The following DLG1 variants were observed in gnomAD, a reference collection of about 807,000 sequenced individuals.
DLG1 encodes the protein disks large homolog 1.
In DLG1, 42 loss-of-function variants were observed where a neutral mutation model predicts 123.4. That is an observed-to-expected ratio of 0.34 (90% CI 0.27 to 0.44). DLG1 has a LOEUF of 0.44. Among genes scored for constraint, DLG1 ranks in the 20% least tolerant of loss-of-function variants. The probability of loss-of-function intolerance (pLI) is 1.00; values close to 1 mark genes in which losing one functional copy is unlikely to be tolerated. For missense variants in DLG1, 942 were observed against 1,082.6 expected (o/e 0.87, Z 1.82); for synonymous variants, 317 against 356.2 (o/e 0.89, Z 1.24).
rs144754253 is a variant in DLG1 at position 197,288,248 on chromosome 3, C to T, written c.152-5403G>A. Among the ~76,000 whole-genome samples the T allele has an allele frequency of 5.0e-4, 76 of 150,890 alleles. 1 individual carries two copies. In the East Asian group the frequency reaches 0.014, roughly 28 times the overall value. ...GCGTGGTGGCGCACGCCTGTAATCC[C>T]AGCTACTCAGGAGGCTGAGGCAGGA... On this transcript the variant is annotated intron_variant, in intron 3 of 24. Transcript: ENST00000667157.
At chr3:197,110,402 T>C (rs1358773589) in intron 13 of DLG1, among the ~76,000 whole-genome samples, 1 of 152,242 alleles carries the variant, frequency 6.6e-6, no homozygotes, top group African/African-American at 2.4e-5. Flanking sequence ...ATTGTTCCTT[T>C]ACTTTCATGT....
intron 5 of DLG1, among the ~76,000 whole-genome samples, chr3:197,181,541 G>C (rs1711944893): frequency 6.6e-6 from 1 of 152,068 alleles, no homozygotes. Context: ...AAGTATTCTA[G>C]TATCAAGTAA....
chr3:197,298,027 C>T, intron 1 of DLG1: 1 of 726,274 alleles, frequency 1.4e-6, no homozygotes, highest in Non-Finnish European at 1.7e-6. Context: ...GGCCCCCCGG[C>T]CCGCTCGCCC....
At chr3:197,250,980 C>CAAAAA (rs34378051) in intron 4 of DLG1, among the ~76,000 whole-genome samples, 6 of 87,124 alleles carry the variant, frequency 6.9e-5, no homozygotes, top group Admixed American at 2.7e-4. Context: ...AAGACTCCAT[C>CAAAAA]AAAAAAAAAA....
rs548887947 is a variant in DLG1, at chr3:197,068,592, T to C, written c.2047+627A>G. ...AAGTTAGAAAAGTAATTTTAATTTT[T>C]AAGGTGCTACAACTGATATTATGTA... On this transcript the variant is annotated intron_variant, in intron 19 of 24. Transcript: ENST00000667157. The C allele has an allele frequency of 1.1e-5, 13 of 1,205,370 alleles. No individual in the cohort carries two copies. The East Asian group carries it at 3.3e-4, about 30-fold the overall frequency. 74.7% of individuals were successfully genotyped at this position (1,205,370 alleles called of 1,614,324 possible).
chr3:197,208,657 T>C (rs558017781), intron 4 of DLG1, among the ~76,000 whole-genome samples: 2 of 141,460 alleles, frequency 1.4e-5, no homozygotes, highest in South Asian at 2.9e-4. Context: ...AAGTCCAGAA[T>C]AGTATAGACT....
intron 23 of DLG1, among the ~76,000 whole-genome samples, chr3:197,056,952 T>C (rs1560362271): frequency 1.3e-5 from 2 of 152,268 alleles, no homozygotes; most frequent in Non-Finnish European, 2.9e-5. Flanking sequence ...GATTCTTCTA[T>C]ACTTCTGTAT....
At position 197,136,464 on chromosome 3, in the gene DLG1, T is replaced by C. The variant is rs759645678; in HGVS notation, c.1020+78A>G. ...AAACATCATTTAGACCTTTTTGGTA[T>C]GGAGAAATTCCAGTATCTATCAGAA... On this transcript the variant is annotated intron_variant, in intron 10 of 24. Transcript: ENST00000667157. The C allele has an allele frequency of 2.9e-5, 35 of 1,209,098 alleles. No homozygotes were observed. In the East Asian group the frequency reaches 7.3e-4, roughly 25 times the overall value. 74.9% of individuals were successfully genotyped at this position (1,209,098 alleles called of 1,614,324 possible).
intron 4 of DLG1, among the ~76,000 whole-genome samples, chr3:197,259,018 C>CTATCAAGGAAAAAA: frequency 6.6e-6 from 1 of 152,022 alleles, no homozygotes; most frequent in South Asian, 2.1e-4. Flanking sequence ...TAAAAAAATT[C>CTATCAAGGAAAAAA]AAAGTCTATC....
chr3:197,212,759 A>T (rs976316426), intron 4 of DLG1, among the ~76,000 whole-genome samples: 3 of 152,236 alleles, frequency 2.0e-5, no homozygotes, highest in African/African-American at 4.8e-5. Flanking sequence ...CTGAGATATT[A>T]GGGGCTAGGA....
intron 4 of DLG1, among the ~76,000 whole-genome samples, chr3:197,207,293 G>A (rs746416401): frequency 2.4e-4 from 37 of 152,148 alleles, no homozygotes; most frequent in Non-Finnish European, 5.0e-4. Context: ...GAAATAGAAG[G>A]CCATATCTGA....
rs146999049 is a variant in DLG1, at chr3:197,279,903, G to A, written c.318+2776C>T. Among the ~76,000 whole-genome samples, 1,274 of 152,256 alleles carry A rather than the reference G, an allele frequency of 8.4e-3. 16 individuals carry two copies. The highest frequency in any genetic ancestry group is 0.014 in the Non-Finnish European group (927 of 68,010). On this transcript the variant is annotated intron_variant, in intron 4 of 24. Coordinates refer to ENST00000667157, the MANE Select transcript of DLG1 (RefSeq NM_001366207.1). ...TGGTATGTATTTATAGGGTACATGC[G>A]ATATTTGGTACGTGCATACAATGTG...
intron 5 of DLG1, among the ~76,000 whole-genome samples, chr3:197,166,899 A>C (rs977536281): frequency 6.6e-6 from 1 of 151,376 alleles, no homozygotes; most frequent in South Asian, 2.1e-4. Flanking sequence ...TCTCGGGGGG[A>C]AAAAAACCAC....
intron 12 of DLG1, among the ~76,000 whole-genome samples, chr3:197,116,612 T>C (rs1773447094): frequency 1.3e-5 from 2 of 152,172 alleles, no homozygotes; most frequent in East Asian, 3.8e-4. Flanking sequence ...GAAATTTTAT[T>C]GTCATTTTCT....
chr3:197,064,567 G>C (rs1738244648), intron 22 of DLG1, among the ~76,000 whole-genome samples: 1 of 151,826 alleles, frequency 6.6e-6, no homozygotes, highest in Admixed American at 6.6e-5. Context: ...TCTTATTTTT[G>C]TGTGAACTAT....
chr3:197,196,134 T>C (rs539842103), intron 4 of DLG1, among the ~76,000 whole-genome samples: 104 of 125,448 alleles, frequency 8.3e-4, no homozygotes, highest in African/African-American at 3.2e-3. Context: ...ATCTCTTGTA[T>C]AGATAGGAGG....
intron 3 of DLG1, among the ~76,000 whole-genome samples, chr3:197,288,846 G>C (rs1773409357): frequency 6.6e-6 from 1 of 150,666 alleles, no homozygotes; most frequent in Admixed American, 6.6e-5. Flanking sequence ...AATATGTATA[G>C]TACAGAGAAA....
chr3:197,048,323 T>G (rs1367178392), intron 24 of DLG1, among the ~76,000 whole-genome samples: 1 of 152,076 alleles, frequency 6.6e-6, no homozygotes, highest in African/African-American at 2.4e-5. Context: ...ATACAAAAAT[T>G]AGCCGGGTGT....
chr3:197,282,327 A>G (rs1769786973), intron 4 of DLG1, among the ~76,000 whole-genome samples: 1 of 152,158 alleles, frequency 6.6e-6, no homozygotes, highest in Non-Finnish European at 1.5e-5. Flanking sequence ...ACTATATCCT[A>G]TTTCTAGGAA....
Sources: gnomAD v4.1 joint callset for allele counts (sites outside exome capture counted in the v4.1 genomes callset) on GRCh38, gnomAD v4.1.1 for gene constraint, MANE v1.5 for transcripts, NCBI Gene and HGNC (gene_info 2026-07-23, HGNC 2026-07-21) for gene names.